C8A: variants seen among roughly 807,000 people sequenced by gnomAD.
The protein encoded by C8A is complement component C8 alpha chain.
In C8A, 67 loss-of-function variants were observed where a neutral mutation model predicts 65.3. That is an observed-to-expected ratio of 1.03 (90% CI 0.84 to 1.26). The LOEUF (loss-of-function observed/expected upper bound fraction) is 1.26. Among genes scored for constraint, C8A ranks in the 50% most tolerant of loss-of-function variants. The probability of loss-of-function intolerance (pLI) is 0.00; values close to 1 mark genes in which losing one functional copy is unlikely to be tolerated. For missense variants in C8A, 781 were observed against 723.9 expected (o/e 1.08, Z -0.90); for synonymous variants, 290 against 259.4 (o/e 1.12, Z -1.13).
At chr1:56,914,823 A>G (rs1423019311) in intron 10 of C8A, among the ~76,000 whole-genome samples, 1 of 150,968 alleles carries the variant, frequency 6.6e-6, no homozygotes, top group Admixed American at 6.6e-5. Context: ...GACTACAGGC[A>G]TGCACCACCA....
chr1:56,862,302 C>G (rs1023201993), intron 1 of C8A, among the ~76,000 whole-genome samples: 6 of 152,160 alleles, frequency 3.9e-5, no homozygotes, highest in African/African-American at 1.2e-4. Flanking sequence ...TTGCTGGACT[C>G]TAAACCTCTT....
At chr1:56,872,249 G>C (rs1277721521) in intron 2 of C8A, among the ~76,000 whole-genome samples, 2 of 152,158 alleles carry the variant, frequency 1.3e-5, no homozygotes, top group Non-Finnish European at 2.9e-5. Context: ...ATAAAAAGCT[G>C]TAATCAAAAT....
At chr1:56,861,096 G>A (rs1343866687) in intron 1 of C8A, among the ~76,000 whole-genome samples, 1 of 152,136 alleles carries the variant, frequency 6.6e-6, no homozygotes, top group African/African-American at 2.4e-5. Flanking sequence ...TTGGCTTCTG[G>A]TGAGAGCTTT....
chr1:56,863,410 T>A (rs138137801), intron 1 of C8A, among the ~76,000 whole-genome samples: 1 of 152,324 alleles, frequency 6.6e-6, no homozygotes, highest in Non-Finnish European at 1.5e-5. Flanking sequence ...CTAGACTTCA[T>A]GTCACAAGGC....
At chr1:56,864,739 G>T (rs576440925) in intron 1 of C8A, among the ~76,000 whole-genome samples, 1 of 152,282 alleles carries the variant, frequency 6.6e-6, no homozygotes, top group East Asian at 1.9e-4. Context: ...AGTTTTCTTT[G>T]AAGGGATGGG....
chr1:56,889,434 C>T (rs971018224), intron 7 of C8A, among the ~76,000 whole-genome samples: 1 of 152,134 alleles, frequency 6.6e-6, no homozygotes, highest in Non-Finnish European at 1.5e-5. Context: ...CCATTAAAAA[C>T]CACAACTTTT....
intron 5 of C8A, among the ~76,000 whole-genome samples, 164 bp from the exon 6 acceptor site, chr1:56,883,317 T>C (rs1234027660): frequency 6.6e-6 from 1 of 152,194 alleles, no homozygotes; most frequent in African/African-American, 2.4e-5. Flanking sequence ...GTGTTTTCTA[T>C]ATTTTAATAA....
chr1:56,878,540 G>C (rs1356182286), intron 4 of C8A, among the ~76,000 whole-genome samples: 1 of 152,226 alleles, frequency 6.6e-6, no homozygotes, highest in Admixed American at 6.5e-5. Context: ...CTGGTAAAAT[G>C]GTCCTGCTCC....
In C8A at chr1:56,857,487, T is replaced by A. The variant is rs545428321; in HGVS notation, c.77+2509T>A. Among the ~76,000 whole-genome samples the A allele has an allele frequency of 2.0e-5, 3 of 152,150 alleles. No individual in the cohort carries two copies. In the East Asian group the frequency reaches 5.8e-4, roughly 29 times the overall value. On this transcript the variant is annotated intron_variant, in intron 1 of 10. Coordinates refer to ENST00000361249, the MANE Select transcript of C8A (RefSeq NM_000562.3). ...TTATGATCTGTGTGTGCATGGCAAATCTTTTTCTATTATTTTATTTTAACT... is the reference window on the plus strand; with the variant it reads ...TTATGATCTGTGTGTGCATGGCAAAACTTTTTCTATTATTTTATTTTAACT...
Position 56,908,058 on chromosome 1 carries a change from C to CCAG in C8A, c.1325_1326insCAG (p.Thr442_Tyr443insArg). The CCAG allele has an allele frequency of 6.2e-7, 1 of 1,614,166 alleles. No homozygotes were observed. The highest frequency in any genetic ancestry group is 8.5e-7 in the Non-Finnish European group (1 of 1,180,010). ...TTGGCACAGAACAGGAGCACCATTACATACCGTTCCTGGGGGAGGTCATTA... is the reference window on the plus strand; with the variant it reads ...TTGGCACAGAACAGGAGCACCATTACCAGATACCGTTCCTGGGGGAGGTCATTA... On this transcript the variant is annotated inframe_insertion, in exon 9 of 11. Coordinates refer to ENST00000361249, the MANE Select transcript of C8A (RefSeq NM_000562.3).
chr1:56,862,730 G>A lies in C8A; in HGVS notation c.78-4879G>A, dbSNP rs1235452066. Among the ~76,000 whole-genome samples, 8 of 152,080 alleles carry A rather than the reference G, an allele frequency of 5.3e-5. No individual in the cohort carries two copies. The East Asian group carries it at 7.7e-4, about 15-fold the overall frequency. ...GAAGATTAGAAGCAAAGACTCCTGA[G>A]TCCCTATGCTCCGTATTAAATGTCT... On this transcript the variant is annotated intron_variant, in intron 1 of 10. Transcript: ENST00000361249.
intron 10 of C8A, among the ~76,000 whole-genome samples, chr1:56,916,487 G>C (rs1203048986): frequency 6.6e-6 from 1 of 152,156 alleles, no homozygotes; most frequent in Non-Finnish European, 1.5e-5. Flanking sequence ...GAGACAGAGA[G>C]CCTTGCTGTG....
In C8A at chr1:56,882,621, G is replaced by T. The variant is rs149105876; in HGVS notation, c.655-860G>T. On this transcript the variant is annotated intron_variant, in intron 5 of 10. Coordinates refer to ENST00000361249, the MANE Select transcript of C8A (RefSeq NM_000562.3). ...CAGAAAATAAGGCCAAGCTTATAGG[G>T]CCTGTTTTTAAGAAGTTTGCTCCCC... Among the ~76,000 whole-genome samples the T allele has an allele frequency of 2.3e-3, 353 of 152,102 alleles. 1 individual carries two copies. The highest frequency in any genetic ancestry group is 7.8e-3 in the African/African-American group (323 of 41,518).
chr1:56,881,638 A>C lies in C8A; in HGVS notation c.654+4A>C, dbSNP rs1490139793. Reference sequence around the variant, plus strand: ...CTTTCTGAAGTACCACTTTGAAGTAAGTCTGAACAGAGGGGCTCTGAGGCC... The same window carrying C: ...CTTTCTGAAGTACCACTTTGAAGTACGTCTGAACAGAGGGGCTCTGAGGCC... On this transcript the variant is annotated splice_donor_region_variant and intron_variant, in intron 5 of 10. Coordinates refer to ENST00000361249, the MANE Select transcript of C8A (RefSeq NM_000562.3). 6.2e-7 allele frequency: 1 copy of C among 1,612,330 alleles called. No homozygotes were observed. The highest frequency in any genetic ancestry group is 8.5e-7 in the Non-Finnish European group (1 of 1,179,506).
chr1:56,917,780 A>G lies in C8A; in HGVS notation c.*64A>G. 1.3e-6 allele frequency: 2 copies of G among 1,586,094 alleles called. No homozygotes were observed. The highest frequency in any genetic ancestry group is 1.7e-5 in the Admixed American group (1 of 59,512). ...TCGACCCCTGCACTGACTATTGGAT[A>G]AAGACTTCTTTCAACTAAGAGAAGA... On this transcript the variant is annotated 3_prime_UTR_variant, in exon 11 of 11. Coordinates refer to ENST00000361249, the MANE Select transcript of C8A (RefSeq NM_000562.3).
intron 1 of C8A, among the ~76,000 whole-genome samples, chr1:56,859,786 G>A (rs1265983528): frequency 6.6e-6 from 1 of 152,172 alleles, no homozygotes; most frequent in Admixed American, 6.5e-5. Context: ...AAAATTGTGG[G>A]TGCGGTGGCT....
chr1:56,890,802 C>T (rs569787976), intron 7 of C8A, among the ~76,000 whole-genome samples: 1 of 152,084 alleles, frequency 6.6e-6, no homozygotes, highest in African/African-American at 2.4e-5. Context: ...CCTCCTTAAG[C>T]ATCACCTTTT....
chr1:56,901,567 A>G (rs1198122836), intron 7 of C8A, among the ~76,000 whole-genome samples: 1 of 152,158 alleles, frequency 6.6e-6, no homozygotes, highest in Non-Finnish European at 1.5e-5. Context: ...GCTCACCTTG[A>G]GACCAGACTA....
At chr1:56,880,894 A>G (rs564608259) in intron 4 of C8A, among the ~76,000 whole-genome samples, 7 of 152,314 alleles carry the variant, frequency 4.6e-5, no homozygotes, top group African/African-American at 1.7e-4. Context: ...GCCTGAGGTC[A>G]CACAGCTAGA....
Sources: gnomAD v4.1 joint callset for allele counts (sites outside exome capture counted in the v4.1 genomes callset) on GRCh38, gnomAD v4.1.1 for gene constraint, MANE v1.5 for transcripts, NCBI Gene and HGNC (gene_info 2026-07-23, HGNC 2026-07-21) for gene names.